The following COL25A1 variants were observed in gnomAD, a reference collection of about 807,000 sequenced individuals.
COL25A1 encodes the protein collagen alpha-1(XXV) chain.
Under a neutral mutation model 128.4 loss-of-function variants are expected in COL25A1, and 103 were observed. That is an observed-to-expected ratio of 0.80 (90% CI 0.68 to 0.94). COL25A1 has a LOEUF of 0.94. Ranked by LOEUF, COL25A1 falls within the 40% of genes least tolerant of loss-of-function variation. The pLI is 0.00. For missense variants in COL25A1, 745 were observed against 840.0 expected (o/e 0.89, Z 1.40); for synonymous variants, 279 against 277.2 (o/e 1.01, Z -0.06).
intron 3 of COL25A1, among the ~76,000 whole-genome samples, chr4:109,052,401 AAGAC>A (rs1761079456): frequency 6.6e-6 from 1 of 152,198 alleles, no homozygotes; most frequent in Non-Finnish European, 1.5e-5. Flanking sequence ...AGCACTTGGC[AAGAC>A]AGACATCTAT....
chr4:109,024,187 T>C (rs1206388019), intron 5 of COL25A1, among the ~76,000 whole-genome samples: 7 of 152,076 alleles, frequency 4.6e-5, no homozygotes, highest in African/African-American at 1.7e-4. Context: ...TAAGCTATGA[T>C]GGGCAGTAGG....
At chr4:109,180,687 T>C (rs758855011) in intron 3 of COL25A1, among the ~76,000 whole-genome samples, 22 of 152,246 alleles carry the variant, frequency 1.4e-4, no homozygotes, top group African/African-American at 2.2e-4. Context: ...ATTAAGTTTA[T>C]AGATTTCCAT....
At chr4:108,889,388 T>A (rs1430063601) in intron 17 of COL25A1, 132 bp from the exon 18 acceptor site, 1 of 806,760 alleles carries the variant, frequency 1.2e-6, no homozygotes, top group Non-Finnish European at 2.0e-6. Context: ...TCCTTTATCC[T>A]GTGACTCTAC....
chr4:109,269,652 G>A (rs1184504059), intron 3 of COL25A1, among the ~76,000 whole-genome samples: 2 of 151,524 alleles, frequency 1.3e-5, no homozygotes, highest in African/African-American at 4.9e-5. Flanking sequence ...GTATCTCATT[G>A]TGGTTTTGAT....
At chr4:109,234,479 T>G (rs1433931999) in intron 3 of COL25A1, among the ~76,000 whole-genome samples, 1 of 152,090 alleles carries the variant, frequency 6.6e-6, no homozygotes, top group Non-Finnish European at 1.5e-5. Context: ...TGTTAAGGGT[T>G]TCTGGGGGAA....
intron 3 of COL25A1, among the ~76,000 whole-genome samples, chr4:109,245,794 A>G (rs1196611109): frequency 6.6e-6 from 1 of 152,194 alleles, no homozygotes; most frequent in Non-Finnish European, 1.5e-5. Flanking sequence ...TTCAGTTAAT[A>G]CAACTATACC....
intron 9 of COL25A1, 83 bp downstream of exon 9, chr4:108,941,281 TAA>T: frequency 9.2e-7 from 1 of 1,092,646 alleles, no homozygotes; most frequent in Non-Finnish European, 1.4e-6. Flanking sequence ...ACCCCACCCA[TAA>T]GAGATAAATC....
intron 3 of COL25A1, among the ~76,000 whole-genome samples, chr4:109,295,586 CAT>C (rs1301140755): frequency 6.6e-6 from 1 of 152,008 alleles, no homozygotes; most frequent in Non-Finnish European, 1.5e-5. Context: ...AAGATAAAAA[CAT>C]ATAGCATAAG....
chr4:109,194,872 T>A (rs1775899764), intron 3 of COL25A1, among the ~76,000 whole-genome samples: 1 of 152,198 alleles, frequency 6.6e-6, no homozygotes, highest in Non-Finnish European at 1.5e-5. Flanking sequence ...TTAGGTATAA[T>A]GTGACACCCT....
chr4:109,004,853 GTATT>G (rs1322905794), intron 6 of COL25A1, among the ~76,000 whole-genome samples: 3 of 152,142 alleles, frequency 2.0e-5, no homozygotes. Flanking sequence ...CCAGTTTCAT[GTATT>G]TATTTATAAC....
At chr4:108,934,640 T>A (rs189122470) in intron 11 of COL25A1, among the ~76,000 whole-genome samples, 1 of 152,182 alleles carries the variant, frequency 6.6e-6, no homozygotes, top group Admixed American at 6.5e-5. Flanking sequence ...GATAGATTTT[T>A]AGATTGGAGA....
intron 8 of COL25A1, chr4:108,942,228 T>C: frequency 6.5e-7 from 1 of 1,550,334 alleles, no homozygotes; most frequent in Non-Finnish European, 8.7e-7. Context: ...GAGGATCTGA[T>C]TACTGTGCAG....
At chr4:109,234,666 C>T (rs1047814072) in intron 3 of COL25A1, among the ~76,000 whole-genome samples, 1 of 152,062 alleles carries the variant, frequency 6.6e-6, no homozygotes, top group Non-Finnish European at 1.5e-5. Flanking sequence ...ATTCACTTCT[C>T]CCTGGCAATA....
intron 8 of COL25A1, among the ~76,000 whole-genome samples, chr4:108,971,471 G>A (rs922257206): frequency 6.6e-6 from 1 of 152,148 alleles, no homozygotes; most frequent in African/African-American, 2.4e-5. Flanking sequence ...TCTCAGAGGA[G>A]GTGATATTTG....
At chr4:109,078,223 G>T (rs935096687) in intron 3 of COL25A1, among the ~76,000 whole-genome samples, 11 of 152,116 alleles carry the variant, frequency 7.2e-5, no homozygotes, top group African/African-American at 2.7e-4. Context: ...ATGTGTTGAA[G>T]GTTTTTGTTT....
chr4:109,045,969 C>T (rs970938976), intron 5 of COL25A1, among the ~76,000 whole-genome samples: 61 of 152,200 alleles, frequency 4.0e-4, no homozygotes, highest in African/African-American at 1.4e-3. Context: ...TATGATTTGA[C>T]CCATGGCCTG....
chr4:108,892,995 A>G (rs953291317), intron 16 of COL25A1, among the ~76,000 whole-genome samples: 7 of 152,196 alleles, frequency 4.6e-5, no homozygotes, highest in African/African-American at 4.8e-5. Flanking sequence ...CCCGGCACCA[A>G]TTAGGGTGGG....
chr4:109,078,220 G>T (rs757538054), intron 3 of COL25A1, among the ~76,000 whole-genome samples: 1 of 152,138 alleles, frequency 6.6e-6, no homozygotes, highest in Non-Finnish European at 1.5e-5. Flanking sequence ...AGAATGTGTT[G>T]AAGGTTTTTG....
At chr4:109,084,164 CTG>C (rs1160378299) in intron 3 of COL25A1, among the ~76,000 whole-genome samples, 1 of 152,046 alleles carries the variant, frequency 6.6e-6, no homozygotes, top group Non-Finnish European at 1.5e-5. Flanking sequence ...AAACAGATGA[CTG>C]TATTAATTTG....
Sources: allele counts gnomAD v4.1 joint callset (sites outside exome capture counted in the v4.1 genomes callset), GRCh38; gene constraint gnomAD v4.1.1; transcripts MANE v1.5; gene names NCBI Gene and HGNC (gene_info 2026-07-23, HGNC 2026-07-21).